Variants in FRMD5 observed in about 807,000 individuals in gnomAD.
FRMD5 encodes FERM domain-containing protein 5.
FRMD5 carries 20 observed loss-of-function variants against 69.0 expected under a neutral mutation model. The ratio of observed to expected loss-of-function variants is 0.29; its 90% confidence interval spans 0.20 to 0.42. The LOEUF (loss-of-function observed/expected upper bound fraction) is 0.42, where lower values mean the gene tolerates loss of function less well. FRMD5 is among the 10% of genes least tolerant of loss of function. The pLI, the probability that FRMD5 is intolerant of heterozygous loss-of-function variation, is 1.00. For missense variants in FRMD5, 595 were observed against 708.6 expected, an observed-to-expected ratio of 0.84 and a Z score of 1.82; for synonymous variants, 271 against 260.1, an observed-to-expected ratio of 1.04 and a Z score of -0.40.
At chr15:44,016,054 T>C (rs1013821414) in intron 1 of FRMD5, among the ~76,000 whole-genome samples, 4 of 152,322 alleles carry the variant, frequency 2.6e-5, no homozygotes, top group East Asian at 3.9e-4. Flanking sequence ...CACCAGTTCA[T>C]AGGACCCAAA....
intron 1 of FRMD5, among the ~76,000 whole-genome samples, chr15:44,121,314 GA>G (rs1213218021): frequency 1.3e-5 from 2 of 151,616 alleles, no homozygotes; most frequent in Non-Finnish European, 2.9e-5. Flanking sequence ...GATGTGAAGG[GA>G]ATAAATGCCA....
intron 1 of FRMD5, among the ~76,000 whole-genome samples, chr15:44,184,236 C>T (rs2078061086): frequency 6.6e-6 from 1 of 152,148 alleles, no homozygotes; most frequent in Non-Finnish European, 1.5e-5. Context: ...CCTGAAGCAC[C>T]AGACCTGAAG....
At chr15:44,134,990 C>T (rs572619632) in intron 1 of FRMD5, among the ~76,000 whole-genome samples, 4 of 152,156 alleles carry the variant, frequency 2.6e-5, no homozygotes, top group Non-Finnish European at 5.9e-5. Context: ...CTGACTCATA[C>T]TTTGAAAGTG....
chr15:44,173,222 G>A (rs1240033566), intron 1 of FRMD5, among the ~76,000 whole-genome samples: 1 of 152,126 alleles, frequency 6.6e-6, no homozygotes, highest in Non-Finnish European at 1.5e-5. Context: ...CCACAAGGAA[G>A]GGAAATTCAA....
At chr15:44,169,203 T>C (rs548148866) in intron 1 of FRMD5, among the ~76,000 whole-genome samples, 4 of 152,316 alleles carry the variant, frequency 2.6e-5, no homozygotes, top group African/African-American at 7.2e-5. Context: ...TCACCTTGCA[T>C]GTAAAGGCTT....
At chr15:43,913,122 T>C (rs1322794193) in intron 4 of FRMD5, among the ~76,000 whole-genome samples, 2 of 152,046 alleles carry the variant, frequency 1.3e-5, no homozygotes, top group African/African-American at 4.8e-5. Flanking sequence ...ATGATCCTGC[T>C]CACACTGAGA....
chr15:43,912,275 T>G (rs2089302333), intron 4 of FRMD5, among the ~76,000 whole-genome samples: 1 of 152,064 alleles, frequency 6.6e-6, no homozygotes, highest in African/African-American at 2.4e-5. Context: ...CCAACCCTAC[T>G]CTGCCCAAAT....
chr15:43,934,844 G>T (rs989539074), intron 1 of FRMD5, among the ~76,000 whole-genome samples: 1 of 152,208 alleles, frequency 6.6e-6, no homozygotes, highest in African/African-American at 2.4e-5. Context: ...GGGACTGCTG[G>T]ATTTCTATAT....
intron 1 of FRMD5, among the ~76,000 whole-genome samples, chr15:43,968,914 C>G (rs977933712): frequency 1.4e-4 from 21 of 151,990 alleles, no homozygotes; most frequent in Middle Eastern, 3.4e-3. Context: ...CACAAAAATC[C>G]TATGTTGTTA....
chr15:44,177,909 G>A (rs2077927590), intron 1 of FRMD5, among the ~76,000 whole-genome samples: 1 of 152,160 alleles, frequency 6.6e-6, no homozygotes, highest in African/African-American at 2.4e-5. Flanking sequence ...TTTACAGGGT[G>A]CTGAAAATAT....
intron 1 of FRMD5, among the ~76,000 whole-genome samples, chr15:44,029,894 A>T (rs1179088723): frequency 6.6e-6 from 1 of 152,244 alleles, no homozygotes; most frequent in Non-Finnish European, 1.5e-5. Context: ...CATCATCAGT[A>T]AACACTGAAA....
intron 1 of FRMD5, among the ~76,000 whole-genome samples, chr15:44,137,027 G>C (rs1018214308): frequency 6.6e-6 from 1 of 152,122 alleles, no homozygotes; most frequent in South Asian, 2.1e-4. Flanking sequence ...ATTTTAAACA[G>C]GATCAGATTT....
intron 1 of FRMD5, among the ~76,000 whole-genome samples, chr15:44,132,332 GGGGACCTCTGATGTAAT>G (rs1245160026): frequency 5.9e-5 from 9 of 152,282 alleles, no homozygotes; most frequent in East Asian, 5.8e-4. Context: ...CCGTGGGTTG[GGGGACCTCTGATGTAAT>G]GGGTATAGAG....
At chr15:44,168,850 C>T (rs761910729) in intron 1 of FRMD5, among the ~76,000 whole-genome samples, 7 of 152,176 alleles carry the variant, frequency 4.6e-5, no homozygotes, top group Non-Finnish European at 8.8e-5. Context: ...CCTCTTCTGC[C>T]AAGGTGACTA....
chr15:44,033,700 A>G (rs1352964558), intron 1 of FRMD5, among the ~76,000 whole-genome samples: 2 of 152,230 alleles, frequency 1.3e-5, no homozygotes, highest in Non-Finnish European at 2.9e-5. Flanking sequence ...GCAGTAGAAT[A>G]TAATGATTAA....
chr15:43,932,975 A>C (rs1160245889), intron 1 of FRMD5, among the ~76,000 whole-genome samples: 2 of 152,038 alleles, frequency 1.3e-5, no homozygotes. Flanking sequence ...AGCAAACAGA[A>C]CTCTGAAGAA....
At chr15:43,892,584 T>G (rs961071396) in intron 7 of FRMD5, among the ~76,000 whole-genome samples, 2 of 152,194 alleles carry the variant, frequency 1.3e-5, no homozygotes, top group Admixed American at 6.5e-5. Context: ...ACCCAATCCA[T>G]TTTCCAGTGT....
At chr15:44,098,052 G>C (rs2076578601) in intron 1 of FRMD5, among the ~76,000 whole-genome samples, 1 of 150,176 alleles carries the variant, frequency 6.7e-6, no homozygotes, top group African/African-American at 2.5e-5. Context: ...GCATCAGCAA[G>C]AGCCAAATGC....
rs186350814 is a variant in FRMD5 at position 44,022,194 on chromosome 15, C to T, written c.103-97885G>A. Among the ~76,000 whole-genome samples, 5 of 152,114 alleles carry T rather than the reference C, an allele frequency of 3.3e-5. No homozygotes were observed. The East Asian group carries it at 9.6e-4, about 29-fold the overall frequency. Reference sequence around the variant, plus strand: ...CTCTGAAAATGGATAATAGTGATGGCTTCATGACCATGTGTATGTACTTTA... The same window carrying T: ...CTCTGAAAATGGATAATAGTGATGGTTTCATGACCATGTGTATGTACTTTA... On this transcript the variant is annotated intron_variant, in intron 1 of 13. Transcript: ENST00000417257.
Sources: gnomAD v4.1 joint callset for allele counts (sites outside exome capture counted in the v4.1 genomes callset) on GRCh38, gnomAD v4.1.1 for gene constraint, MANE v1.5 for transcripts, NCBI Gene and HGNC (gene_info 2026-07-23, HGNC 2026-07-21) for gene names.